The following SLC6A13 variants were observed in gnomAD, a reference collection of about 807,000 sequenced individuals.
SLC6A13 encodes the protein solute carrier family 6 member 13, also known as sodium- and chloride-dependent GABA transporter 2.
Under a neutral mutation model 72.9 loss-of-function variants are expected in SLC6A13, and 69 were observed. The observed-to-expected ratio is 0.95, with a 90% CI of 0.78 to 1.16. SLC6A13 has a LOEUF of 1.16. SLC6A13 is among the 50% of genes most tolerant of loss of function. The pLI, the probability that SLC6A13 is intolerant of heterozygous loss-of-function variation, is 0.00. For synonymous variants in SLC6A13, 303 were observed against 303.0 expected (o/e 1.00, Z 0.00); for missense variants, 735 against 760.5 (o/e 0.97, Z 0.39).
rs765615516 is a variant in SLC6A13, at chr12:227,651, G to C, written c.849C>G (p.Gly283=). ...LWDPQVWMDA[G]TQIFFSFAIC... ...TGGCGAAGGAGAAGAATATCTGGGT[G>C]CCTGCATCCATCCACACCTACAAAG... is the stretch of plus-strand genomic sequence containing the variant. The change falls in exon 8 of 15, where the codon GGC becomes GGG. Residue 283 remains glycine, a synonymous_variant. Transcript: ENST00000343164. 4 of 1,610,648 alleles carry C rather than the reference G, an allele frequency of 2.5e-6. No homozygotes were observed. Among genetic ancestry groups the C allele is most frequent in the Middle Eastern group, 3.3e-4 (2 of 6,046 alleles).
At chr12:229,436 A>T (rs1213328435) in intron 7 of SLC6A13, among the ~76,000 whole-genome samples, 4 of 152,132 alleles carry the variant, frequency 2.6e-5, no homozygotes, top group Middle Eastern at 3.2e-3. Flanking sequence ...TCTCAGGAAA[A>T]CTCACTGACG....
intron 4 of SLC6A13, among the ~76,000 whole-genome samples, chr12:241,906 A>G (rs1323210693): frequency 1.3e-5 from 2 of 152,256 alleles, no homozygotes; most frequent in Non-Finnish European, 2.9e-5. Flanking sequence ...ATTTGATTAT[A>G]AAATACGGCA....
chr12:238,458 T>C (rs932137809), intron 4 of SLC6A13: 1 of 566,064 alleles, frequency 1.8e-6, no homozygotes, highest in Non-Finnish European at 3.0e-6. Context: ...GTGGGTAAGT[T>C]ATAACTCAGC....
In SLC6A13 at chr12:260,012, G is replaced by A. The variant is rs200173207; in HGVS notation, c.41C>T (p.Thr14Ile). 2.9e-4 allele frequency: 470 copies of A among 1,614,138 alleles called. 4 individuals carry two copies. The Middle Eastern group carries it at 8.6e-3, about 29-fold the overall frequency. ...TTCCATGACTGGATACACTGGTTTT[G>A]TCTCTCCATTACTGGTTGTGCCTGA... ...RVSGTTSNGE[T>I]KPVYPVMEKK... Residue 14 changes from threonine (T) to isoleucine (I), a missense_variant, in exon 2 of 15, where the codon ACA (threonine) becomes ATA (isoleucine). Physicochemically the swap from Thr to Ile is moderately conservative, Grantham distance 89 (BLOSUM62 -1). Coordinates refer to ENST00000343164, the MANE Select transcript of SLC6A13 (RefSeq NM_016615.5).
intron 1 of SLC6A13, among the ~76,000 whole-genome samples, chr12:261,790 G>A (rs562802919): frequency 3.3e-5 from 5 of 152,244 alleles, no homozygotes; most frequent in Non-Finnish European, 7.4e-5. Context: ...GCTGGGCATG[G>A]TGGCAGGCAC....
At chr12:237,694 C>T (rs1941988618) in intron 5 of SLC6A13, among the ~76,000 whole-genome samples, 1 of 152,138 alleles carries the variant, frequency 6.6e-6, no homozygotes, top group South Asian at 2.1e-4. Context: ...CACTCTCTAA[C>T]ACGGGGCGGG....
chr12:239,434 G>C (rs991109681), intron 4 of SLC6A13, among the ~76,000 whole-genome samples: 2 of 152,134 alleles, frequency 1.3e-5, no homozygotes, highest in African/African-American at 4.8e-5. Flanking sequence ...TTGTCCCCCA[G>C]CTCAATGACT....
At position 223,067 on chromosome 12, in the gene SLC6A13, G is replaced by A. The variant is rs893447129; in HGVS notation, c.1414+65C>T. On this transcript the variant is annotated intron_variant, in intron 12 of 14. Coordinates refer to ENST00000343164, the MANE Select transcript of SLC6A13 (RefSeq NM_016615.5). ...TGCGAGCAGTAGATGTCTGTTTCGT[G>A]TCTAAGGACCCCAAGACCCTTAGAC... is the stretch of plus-strand genomic sequence containing the variant. The A allele has an allele frequency of 6.0e-6, 6 of 1,004,022 alleles. No individual in the cohort carries two copies. In the Admixed American group the frequency reaches 1.0e-4, roughly 17 times the overall value. 62.2% of individuals were successfully genotyped at this position (1,004,022 alleles called of 1,614,324 possible). A position where few individuals can be genotyped will look rare whatever the true frequency, so the allele number is the denominator to read the frequency against.
At chr12:253,163 C>A (rs569765673) in intron 2 of SLC6A13, among the ~76,000 whole-genome samples, 1 of 152,350 alleles carries the variant, frequency 6.6e-6, no homozygotes, top group East Asian at 1.9e-4. Context: ...ATAGGAGAGA[C>A]CATATCCCCG....
rs1941719041 is a variant in SLC6A13 at position 231,759 on chromosome 12, A to G, written c.831+3331T>C. Among the ~76,000 whole-genome samples, 2 of 152,230 alleles carry G rather than the reference A, an allele frequency of 1.3e-5. 1 individual carries two copies. Among genetic ancestry groups the G allele is most frequent in the Non-Finnish European group, 2.9e-5 (2 of 68,040 alleles). The stretch of plus-strand genomic sequence containing the variant: ...GGCCTCATTAATGCTCAGAAGTTGA[A>G]AGCTACCTGGTCCACCTTCTTTATG... On this transcript the variant is annotated intron_variant, in intron 7 of 14. Coordinates refer to ENST00000343164, the MANE Select transcript of SLC6A13 (RefSeq NM_016615.5).
chr12:245,417 C>T (rs1942313859), intron 2 of SLC6A13, among the ~76,000 whole-genome samples: 1 of 152,188 alleles, frequency 6.6e-6, no homozygotes, highest in Non-Finnish European at 1.5e-5. Context: ...TGCAGTGGCT[C>T]ACGTCTGTAA....
chr12:226,238 A>T, intron 9 of SLC6A13, 152 bp downstream of exon 9: 1 of 901,254 alleles, frequency 1.1e-6, no homozygotes, highest in Non-Finnish European at 1.7e-6. Context: ...TGACTGTTTC[A>T]ATTCTCCGCC....
chr12:233,981 G>A (rs144322373), intron 7 of SLC6A13, among the ~76,000 whole-genome samples: 61 of 152,142 alleles, frequency 4.0e-4, no homozygotes, highest in African/African-American at 1.2e-3. Context: ...ACAGGAGGTC[G>A]TCACCTCACA....
chr12:252,243 C>T (rs536004371), intron 2 of SLC6A13, among the ~76,000 whole-genome samples: 1 of 152,240 alleles, frequency 6.6e-6, no homozygotes, highest in African/African-American at 2.4e-5. Context: ...ATTATCAACA[C>T]ACTGTATGAT....
chr12:223,283 G>T (rs374429393), intron 11 of SLC6A13, 49 bp from the exon 12 acceptor site: 1 of 1,282,626 alleles, frequency 7.8e-7, no homozygotes. Context: ...AGTGGAAACA[G>T]AAAGATTCAC....
In SLC6A13 at chr12:226,526, G is replaced by T. The variant is rs1156423901; in HGVS notation, c.936-12C>A. On this transcript the variant is annotated splice_polypyrimidine_tract_variant and intron_variant, in intron 8 of 14. Transcript: ENST00000343164. ...GGGCGATGCAGTCCCTGTGGGGCAG[G>T]GGTGAGGAGAGGGCGGAATGGCAGG... The T allele has an allele frequency of 3.1e-6, 5 of 1,612,812 alleles. No homozygotes were observed. The African/African-American group carries it at 6.7e-5, about 22-fold the overall frequency.
rs1485418595 is a variant in SLC6A13 at position 254,244 on chromosome 12, T to G, written c.202+5607A>C. On this transcript the variant is annotated intron_variant, in intron 2 of 14. Coordinates refer to ENST00000343164, the MANE Select transcript of SLC6A13 (RefSeq NM_016615.5). This position sits in a 1 kb window ranked among gnomAD's most constrained non-coding sequence, Gnocchi z 4.4. ...GAGGAGTCTGGCCACTGGCACACTGTCACTGCTACGCAGGACTCACATGGC... is the reference window on the plus strand; with the variant it reads ...GAGGAGTCTGGCCACTGGCACACTGGCACTGCTACGCAGGACTCACATGGC... Among the ~76,000 whole-genome samples, 1 of 152,216 alleles carries G rather than the reference T, an allele frequency of 6.6e-6. No individual in the cohort carries two copies. The highest frequency in any genetic ancestry group is 1.5e-5 in the Non-Finnish European group (1 of 68,034).
intron 8 of SLC6A13, 59 bp from the exon 9 acceptor site, chr12:226,573 CT>C: frequency 6.4e-7 from 1 of 1,557,722 alleles, no homozygotes; most frequent in Non-Finnish European, 8.7e-7. Context: ...GCTGCAACCT[CT>C]CCTGCTTCCT....
At chr12:226,553 T>A (rs780959508) in intron 8 of SLC6A13, 39 bp from the exon 9 acceptor site, 1 of 1,601,726 alleles carries the variant, frequency 6.2e-7, no homozygotes, top group Non-Finnish European at 8.5e-7. Flanking sequence ...AATGGCAGGG[T>A]CAGAACAGGG....
Sources: gnomAD v4.1 joint callset for allele counts (sites outside exome capture counted in the v4.1 genomes callset) on GRCh38, gnomAD v4.1.1 for gene constraint, Gnocchi (gnomAD v3.1) non-coding constraint, MANE v1.5 for transcripts, NCBI Gene and HGNC (gene_info 2026-07-23, HGNC 2026-07-21) for gene names.